LRP1: variants seen among roughly 807,000 people sequenced by gnomAD.
LRP1 encodes prolow-density lipoprotein receptor-related protein 1.
Under a neutral mutation model 541.5 loss-of-function variants are expected in LRP1, and 51 were observed. The observed-to-expected ratio is 0.09, with a 90% CI of 0.08 to 0.12. The LOEUF (loss-of-function observed/expected upper bound fraction) is 0.12. LRP1 is among the 10% of genes least tolerant of loss of function. The probability of loss-of-function intolerance (pLI) is 1.00; values close to 1 mark genes in which losing one functional copy is unlikely to be tolerated. For synonymous variants in LRP1, 2,219 were observed against 2,470.8 expected (o/e 0.90, Z 3.02); for missense variants, 3,878 against 6,376.2 (o/e 0.61, Z 13.34).
In LRP1 at chr12:57,211,864, G is replaced by A. The variant is rs765539327; in HGVS notation, c.13258+50G>A. On this transcript the variant is annotated intron_variant, in intron 86 of 88. Transcript: ENST00000243077. This position sits in a 1 kb window ranked among gnomAD's most constrained non-coding sequence, Gnocchi z 4.3. ...CAGGGCCACCGGGACCTAGAGCAGG[G>A]GGACCGTGTGCCTCCTGCTTCCCTG... The A allele has an allele frequency of 5.0e-6, 8 of 1,612,422 alleles. No homozygotes were observed.
At chr12:57,208,548 C>G in intron 77 of LRP1, 163 bp from the exon 78 acceptor site, 1 of 597,004 alleles carries the variant, frequency 1.7e-6, no homozygotes, top group Non-Finnish European at 3.0e-6. Context: ...GCCCCTCAAC[C>G]TGCTCAGAAG....
intron 15 of LRP1, chr12:57,164,939 T>C (rs1413697464): frequency 6.6e-6 from 1 of 151,938 alleles, no homozygotes; most frequent in African/African-American, 2.4e-5. Context: ...CAGGAGTGAT[T>C]TTGGAGAAAG....
intron 42 of LRP1, 99 bp downstream of exon 42, chr12:57,187,555 G>A: frequency 1.6e-6 from 2 of 1,213,816 alleles, no homozygotes; most frequent in African/African-American, 1.6e-5. Context: ...GGAGAGGCAG[G>A]CCCTCACTTG....
chr12:57,133,526 T>A (rs573354946), intron 1 of LRP1, among the ~76,000 whole-genome samples: 2 of 152,018 alleles, frequency 1.3e-5, no homozygotes, highest in African/African-American at 4.8e-5. Flanking sequence ...TACAAAAAAT[T>A]CAGTGAAAAC....
Position 57,179,321 on chromosome 12 carries a change from C to A in LRP1, c.4739-8C>A. Reference sequence around the variant, plus strand: ...GACTGCCTTCAGTGACCAGCCCATGCCCCACAGAGTTTAAGAAGTTCCTGC... The same window carrying A: ...GACTGCCTTCAGTGACCAGCCCATGACCCACAGAGTTTAAGAAGTTCCTGC... On this transcript the variant is annotated splice_polypyrimidine_tract_variant and splice_region_variant and intron_variant, in intron 28 of 88. Transcript: ENST00000243077. The surrounding 1 kb of genome is among the most constrained non-coding windows in gnomAD (Gnocchi z 6.8). 1.2e-6 allele frequency: 2 copies of A among 1,603,330 alleles called. No homozygotes were observed. The highest frequency in any genetic ancestry group is 1.1e-5 in the South Asian group (1 of 90,636).
chr12:57,193,440 C>T lies in LRP1; in HGVS notation c.7685-126C>T, dbSNP rs1340236338. The T allele has an allele frequency of 7.9e-5, 119 of 1,499,796 alleles. 4 individuals are homozygous for T. In the South Asian group the frequency reaches 1.2e-3, roughly 15 times the overall value. 92.9% of individuals were successfully genotyped at this position (1,499,796 alleles called of 1,614,324 possible). A position where few individuals can be genotyped will look rare whatever the true frequency, so the allele number is the denominator to read the frequency against. ...TTTTGGGAGCTCATGAAGGGCAGAA[C>T]CACTGTTAGCCTGGACTGGGCCTTT... On this transcript the variant is annotated intron_variant, in intron 46 of 88. Coordinates refer to ENST00000243077, the MANE Select transcript of LRP1 (RefSeq NM_002332.3).
At position 57,203,486 on chromosome 12, in the gene LRP1, T is replaced by C; in HGVS notation, c.10916T>C (p.Met3639Thr). The C allele has an allele frequency of 6.4e-7, 1 of 1,570,500 alleles. No homozygotes were observed. The highest frequency in any genetic ancestry group is 8.6e-7 in the Non-Finnish European group (1 of 1,156,568). Residue 3639 changes from methionine (M) to threonine (T), a missense_variant, in exon 70 of 89, where the codon ATG becomes ACG. This residue lies in a region of LRP1 where 278 missense variants were observed against 536.3 expected (regional missense o/e 0.52). Transcript: ENST00000243077. Reference sequence around the variant, plus strand: ...CGCTGTGACGCAGACGCCGACTGCATGGACGGCAGCGACGAGGAGGCCTGC... The same window carrying C: ...CGCTGTGACGCAGACGCCGACTGCACGGACGGCAGCGACGAGGAGGCCTGC... Reference protein sequence around the residue: ...RWRCDADADCMDGSDEEACGT... With the variant: ...RWRCDADADCTDGSDEEACGT...
chr12:57,188,703 T>G (rs1565742081), intron 42 of LRP1, among the ~76,000 whole-genome samples: 1 of 152,344 alleles, frequency 6.6e-6, no homozygotes, highest in East Asian at 1.9e-4. Flanking sequence ...CATCACGCAT[T>G]CAGCGAGTGG....
rs372838004 is a variant in LRP1 at position 57,178,614 on chromosome 12, C to T, written c.4606+11C>T. 3.6e-5 allele frequency: 58 copies of T among 1,613,832 alleles called. No homozygotes were observed. In the African/African-American group the frequency reaches 5.2e-4, roughly 14 times the overall value. ...CCCGCCAGCCCATGGGTAAGGGGCT[C>T]GGGGCCTCGAGCAGCCGGAAGGGAG... On this transcript the variant is annotated intron_variant, in intron 27 of 88. Coordinates refer to ENST00000243077, the MANE Select transcript of LRP1 (RefSeq NM_002332.3). The surrounding 1 kb of genome is among the most constrained non-coding windows in gnomAD (Gnocchi z 5.8).
Position 57,204,647 on chromosome 12 carries a change from A to G in LRP1, c.11092A>G (p.Asn3698Asp), listed in dbSNP as rs751954726. 2 of 1,613,888 alleles carry G rather than the reference A, an allele frequency of 1.2e-6. No homozygotes were observed. The highest frequency in any genetic ancestry group is 4.5e-5 in the East Asian group (2 of 44,866). ...TGCAGCCCGGTTCGTGTGCCCTCCC[A>G]ACCGGCCCTTCCGTTGCAAGAATGA... ...EECARFVCPP[N>D]RPFRCKNDRV... Residue 3698 changes from asparagine (N) to aspartate (D), a missense_variant, in exon 72 of 89, where the codon AAC (asparagine) becomes GAC (aspartate). Coordinates refer to ENST00000243077, the MANE Select transcript of LRP1 (RefSeq NM_002332.3). The surrounding 1 kb of genome is among the most constrained non-coding windows in gnomAD (Gnocchi z 5.3).
chr12:57,165,293 T>C lies in LRP1; in HGVS notation c.2531-512T>C, dbSNP rs1388895342. 6.5e-6 allele frequency: 1 copy of C among 153,674 alleles called. No homozygotes were observed. The highest frequency in any genetic ancestry group is 1.4e-5 in the Non-Finnish European group (1 of 68,984). 9.5% of individuals were successfully genotyped at this position (153,674 alleles called of 1,614,324 possible). A position where few individuals can be genotyped will look rare whatever the true frequency, so the allele number is the denominator to read the frequency against. Reference sequence around the variant, plus strand: ...GGCACAGACAAAGGACGTCGTGATTTAGCTGCTAATGGGCCAAGACAGATA... The same window carrying C: ...GGCACAGACAAAGGACGTCGTGATTCAGCTGCTAATGGGCCAAGACAGATA... On this transcript the variant is annotated intron_variant, in intron 15 of 88. Coordinates refer to ENST00000243077, the MANE Select transcript of LRP1 (RefSeq NM_002332.3). The surrounding 1 kb of genome is among the most constrained non-coding windows in gnomAD (Gnocchi z 4.5).
Position 57,209,769 on chromosome 12 carries a change from A to G in LRP1, c.12340A>G (p.Lys4114Glu). ...GVTYINNRVF[K>E]IHKFGHSPLV... The stretch of plus-strand genomic sequence containing the variant: ...CACCTACATCAATAATCGTGTCTTC[A>G]AGATCCATAAGTTTGGCCACAGCCC... The change falls in exon 80 of 89, where the codon AAG (lysine) becomes GAG (glutamate). Residue 4114 changes from lysine (K) to glutamate (E), a missense_variant. Physicochemically the swap from Lys to Glu is moderately conservative, Grantham distance 56 (BLOSUM62 1). Transcript: ENST00000243077. The G allele has an allele frequency of 1.2e-6, 2 of 1,614,218 alleles. No homozygotes were observed. Among genetic ancestry groups the G allele is most frequent in the Non-Finnish European group, 1.7e-6 (2 of 1,180,030 alleles).
chr12:57,153,631 C>T (rs1390559480), intron 6 of LRP1, among the ~76,000 whole-genome samples: 1 of 152,156 alleles, frequency 6.6e-6, no homozygotes, highest in Non-Finnish European at 1.5e-5. Flanking sequence ...AAGTTTGGCC[C>T]ATGTCACTGG....
Position 57,195,288 on chromosome 12 carries a change from CCCT to C in LRP1, c.8333_8335del (p.Ser2778del). ...CCCTACAGAAGGCAAGACGTGCGGC[CCCT>C]CCTCCTTCTCCTGCCCTGGCACCCA... is the stretch of plus-strand genomic sequence containing the variant. On this transcript the variant is annotated inframe_deletion, in exon 52 of 89. Coordinates refer to ENST00000243077, the MANE Select transcript of LRP1 (RefSeq NM_002332.3). 6.2e-7 allele frequency: 1 copy of C among 1,613,980 alleles called. No homozygotes were observed. The highest frequency in any genetic ancestry group is 8.5e-7 in the Non-Finnish European group (1 of 1,180,018).
Position 57,193,654 on chromosome 12 carries a change from T to C in LRP1, c.7773T>C (p.Cys2591=), listed in dbSNP as rs34456957. ...NMLWCNGADD[C]GDGSDEIPCN... ...TGTGGTGCAACGGGGCCGACGACTGTGGGGATGGCTCTGACGAGATCCCTT... is the reference window on the plus strand; with the variant it reads ...TGTGGTGCAACGGGGCCGACGACTGCGGGGATGGCTCTGACGAGATCCCTT... The change falls in exon 47 of 89, where the codon TGT becomes TGC. Residue 2591 remains cysteine, a synonymous_variant. Coordinates refer to ENST00000243077, the MANE Select transcript of LRP1 (RefSeq NM_002332.3). 8,124 of 1,614,160 alleles carry C rather than the reference T, an allele frequency of 5.0e-3. 43 individuals carry two copies. Among genetic ancestry groups the C allele is most frequent in the Non-Finnish European group, 6.4e-3 (7,508 of 1,180,032 alleles).
Position 57,129,008 on chromosome 12 carries a change from C to T in LRP1, c.44C>T (p.Ala15Val), listed in dbSNP as rs762853466. 10 of 1,551,540 alleles carry T rather than the reference C, an allele frequency of 6.4e-6. No homozygotes were observed. In the South Asian group the frequency reaches 8.3e-5, roughly 13 times the overall value. ...PLLLLLPLLS[A>V]LVAAAIDAPK... ...CTCCTGCTGCTGCCCCTGCTCTCAG[C>T]TCTGGTCGCGGCGGCTATCGACGGT... Residue 15 changes from alanine to valine, a missense_variant, in exon 1 of 89, where the codon GCT (alanine) becomes GTT (valine). Physicochemically the swap from Ala to Val is moderately conservative, Grantham distance 64. Around this residue, in one of 13 missense-constraint regions of LRP1, gnomAD observed 293 missense variants for 403.7 expected, o/e 0.73. Transcript: ENST00000243077.
chr12:57,183,302 AAC>A lies in LRP1; in HGVS notation c.5663-75_5663-74del. 6.8e-7 allele frequency: 1 copy of A among 1,461,854 alleles called. No individual in the cohort carries two copies. Among genetic ancestry groups the A allele is most frequent in the Admixed American group, 1.9e-5 (1 of 53,950 alleles). The allele number at this position is 1,461,854 out of a possible 1,614,324, so 90.6% of individuals were successfully genotyped here. Reference sequence around the variant, plus strand: ...GGATGATATCAAAGGAGAAGCAGAGAACAGTTGGAGGGTGACAGGAACCAAGT... The same window carrying A: ...GGATGATATCAAAGGAGAAGCAGAGAAGTTGGAGGGTGACAGGAACCAAGT... On this transcript the variant is annotated intron_variant, in intron 34 of 88. Transcript: ENST00000243077. The surrounding 1 kb of genome is among the most constrained non-coding windows in gnomAD (Gnocchi z 6.1).
At chr12:57,143,532 A>C in intron 3 of LRP1, 147 bp from the exon 4 acceptor site, 2 of 921,462 alleles carry the variant, frequency 2.2e-6, no homozygotes, top group Non-Finnish European at 1.6e-6. Flanking sequence ...GAAATATGGT[A>C]GATGCTTCCT....
At chr12:57,207,634 C>T (rs1375795315) in intron 76 of LRP1, among the ~76,000 whole-genome samples, 1 of 152,134 alleles carries the variant, frequency 6.6e-6, no homozygotes, top group Non-Finnish European at 1.5e-5. Flanking sequence ...GCATGGCCAG[C>T]GGGAAGACAG....
Sources: allele counts gnomAD v4.1 joint callset (sites outside exome capture counted in the v4.1 genomes callset), GRCh38; gene constraint gnomAD v4.1.1; regional missense constraint gnomAD v4.1.1; non-coding constraint Gnocchi (gnomAD v3.1); transcripts MANE v1.5; gene names NCBI Gene and HGNC (gene_info 2026-07-23, HGNC 2026-07-21).